The following GSK3B variants were observed in gnomAD, a reference collection of about 807,000 sequenced individuals.
GSK3B encodes the protein glycogen synthase kinase-3 beta.
Under a neutral mutation model 56.4 loss-of-function variants are expected in GSK3B, and 15 were observed. The observed-to-expected ratio is 0.27, with a 90% CI of 0.18 to 0.41. The LOEUF is 0.41. GSK3B is among the 10% of genes least tolerant of loss of function. The probability of loss-of-function intolerance (pLI) is 1.00; values close to 1 mark genes in which losing one functional copy is unlikely to be tolerated. For synonymous variants in GSK3B, 181 were observed against 188.9 expected, an observed-to-expected ratio of 0.96 and a Z score of 0.34; for missense variants, 300 against 513.4, an observed-to-expected ratio of 0.58 and a Z score of 4.02.
chr3:120,082,270 C>G (rs928536075), intron 1 of GSK3B, among the ~76,000 whole-genome samples: 5 of 150,222 alleles, frequency 3.3e-5, no homozygotes, highest in Non-Finnish European at 7.4e-5. Context: ...TTAAAAATAA[C>G]AAAAATAATA....
intron 3 of GSK3B, among the ~76,000 whole-genome samples, chr3:119,929,727 A>G (rs1042457062): frequency 1.3e-4 from 19 of 151,790 alleles, no homozygotes; most frequent in Non-Finnish European, 2.9e-5. Context: ...ACATGGAGAA[A>G]TCCCGTCTCT....
At chr3:119,941,569 A>G (rs2057049470) in intron 3 of GSK3B, among the ~76,000 whole-genome samples, 1 of 152,192 alleles carries the variant, frequency 6.6e-6, no homozygotes, top group Non-Finnish European at 1.5e-5. Flanking sequence ...TATAAAACTC[A>G]TTCTTTAATT....
chr3:119,853,657 C>A (rs1380363512), intron 9 of GSK3B, among the ~76,000 whole-genome samples: 1 of 152,036 alleles, frequency 6.6e-6, no homozygotes, highest in Non-Finnish European at 1.5e-5. Flanking sequence ...AGTTGGATTC[C>A]CAGGTATTTT....
At position 120,081,375 on chromosome 3, in the gene GSK3B, T is replaced by C. The variant is rs553840009; in HGVS notation, c.88+11972A>G. 7.2e-5 allele frequency among the ~76,000 whole-genome samples: 11 copies of C among 151,944 alleles called. No homozygotes were observed. The East Asian group carries it at 1.9e-3, about 27-fold the overall frequency. ...CATCCTGGTCAACATGGTGAAACCC[T>C]GTCTCTACTAAAAATACAAAAACTA... On this transcript the variant is annotated intron_variant, in intron 1 of 10. Transcript: ENST00000264235.
chr3:119,823,492 C>T lies in GSK3B; in HGVS notation c.*3296G>A. On this transcript the variant is annotated 3_prime_UTR_variant, in exon 11 of 11. Coordinates refer to ENST00000264235, the MANE Select transcript of GSK3B (RefSeq NM_001146156.2). ...AAAAAACAATTCTCTGTCACTCTCTCATTTGGGAGGGAAGTAGATAAAAGA... is the reference window on the plus strand; with the variant it reads ...AAAAAACAATTCTCTGTCACTCTCTTATTTGGGAGGGAAGTAGATAAAAGA... 5.2e-6 allele frequency: 1 copy of T among 192,274 alleles called. No individual in the cohort carries two copies. The highest frequency in any genetic ancestry group is 1.1e-5 in the Non-Finnish European group (1 of 91,888). The allele number at this position is 192,274 out of a possible 1,614,324, so 11.9% of individuals were successfully genotyped here.
intron 2 of GSK3B, among the ~76,000 whole-genome samples, chr3:119,972,162 C>A (rs2107516468): frequency 6.6e-6 from 1 of 152,198 alleles, no homozygotes; most frequent in African/African-American, 2.4e-5. Flanking sequence ...AGCTGTTATA[C>A]AGGTAAGAGC....
chr3:120,058,275 A>G (rs1405498294), intron 1 of GSK3B, among the ~76,000 whole-genome samples: 3 of 152,172 alleles, frequency 2.0e-5, no homozygotes, highest in Non-Finnish European at 2.9e-5. Flanking sequence ...TTTAACTACT[A>G]TGTAAAAATA....
At chr3:119,856,416 C>T (rs183500050) in intron 9 of GSK3B, among the ~76,000 whole-genome samples, 326 of 152,266 alleles carry the variant, frequency 2.1e-3, no homozygotes, top group Non-Finnish European at 3.9e-3. Context: ...ATTGTTTGTT[C>T]CTACACCACT....
At chr3:120,073,630 C>G (rs2058345474) in intron 1 of GSK3B, among the ~76,000 whole-genome samples, 1 of 152,158 alleles carries the variant, frequency 6.6e-6, no homozygotes, top group Admixed American at 6.5e-5. Context: ...CTAAGCCGTA[C>G]CCTAAAAAAC....
intron 3 of GSK3B, among the ~76,000 whole-genome samples, chr3:119,928,459 G>C (rs1225525322): frequency 6.6e-6 from 1 of 151,738 alleles, no homozygotes; most frequent in Non-Finnish European, 1.5e-5. Flanking sequence ...CAAAAAATTA[G>C]CCGGGCATGG....
chr3:119,901,099 C>T (rs2108075781), intron 7 of GSK3B, among the ~76,000 whole-genome samples: 1 of 152,228 alleles, frequency 6.6e-6, no homozygotes, highest in South Asian at 2.1e-4. Flanking sequence ...TGCCAAAGGA[C>T]AATGTTGTAT....
intron 6 of GSK3B, among the ~76,000 whole-genome samples, chr3:119,907,835 C>G (rs527769949): frequency 7.9e-5 from 12 of 152,272 alleles, no homozygotes; most frequent in Admixed American, 2.6e-4. Context: ...AATTCCCAAT[C>G]AAAACACCAC....
In GSK3B at chr3:119,962,548, G is replaced by C. The variant is rs1469553881; in HGVS notation, c.283-15197C>G. Among the ~76,000 whole-genome samples, 3 of 151,566 alleles carry C rather than the reference G, an allele frequency of 2.0e-5. No homozygotes were observed. The East Asian group carries it at 5.8e-4, about 29-fold the overall frequency. On this transcript the variant is annotated intron_variant, in intron 2 of 10. Coordinates refer to ENST00000264235, the MANE Select transcript of GSK3B (RefSeq NM_001146156.2). ...TGTAAGTCCTAGCCAGAGTAATTAGGCAAGAAAAAGAAATAAAAGGCATCT... is the reference window on the plus strand; with the variant it reads ...TGTAAGTCCTAGCCAGAGTAATTAGCCAAGAAAAAGAAATAAAAGGCATCT...
chr3:119,937,861 C>A (rs2057011419), intron 3 of GSK3B, among the ~76,000 whole-genome samples: 2 of 150,204 alleles, frequency 1.3e-5, no homozygotes, highest in South Asian at 2.1e-4. Context: ...ACTGACAAAC[C>A]CTTAAAAGAG....
intron 3 of GSK3B, among the ~76,000 whole-genome samples, chr3:119,939,918 G>A (rs2057031084): frequency 1.3e-5 from 2 of 152,016 alleles, no homozygotes; most frequent in South Asian, 4.1e-4. Flanking sequence ...ACATTAGAGA[G>A]TCACTGAAGT....
At chr3:120,024,496 C>G (rs2057907294) in intron 1 of GSK3B, among the ~76,000 whole-genome samples, 1 of 152,188 alleles carries the variant, frequency 6.6e-6, no homozygotes, top group Non-Finnish European at 1.5e-5. Flanking sequence ...ATTTTCATTG[C>G]TACATTAATA....
At chr3:119,830,390 T>G (rs535475066) in intron 10 of GSK3B, among the ~76,000 whole-genome samples, 1 of 152,366 alleles carries the variant, frequency 6.6e-6, no homozygotes, top group African/African-American at 2.4e-5. Context: ...TTAATGAGCT[T>G]TCTATTAAAA....
intron 2 of GSK3B, among the ~76,000 whole-genome samples, chr3:119,983,373 A>T (rs2057482939): frequency 6.6e-6 from 1 of 152,230 alleles, no homozygotes; most frequent in African/African-American, 2.4e-5. Context: ...CTTAAATGTA[A>T]ACAGGCTAAA....
At chr3:120,017,782 C>A (rs896786915) in intron 1 of GSK3B, among the ~76,000 whole-genome samples, 2 of 152,188 alleles carry the variant, frequency 1.3e-5, no homozygotes, top group Non-Finnish European at 2.9e-5. Context: ...AGTTATCACA[C>A]ACTGGGGGCG....
Sources: gnomAD v4.1 joint callset for allele counts (sites outside exome capture counted in the v4.1 genomes callset) on GRCh38, gnomAD v4.1.1 for gene constraint, MANE v1.5 for transcripts, NCBI Gene and HGNC (gene_info 2026-07-23, HGNC 2026-07-21) for gene names.